Variants in TSNAXIP1 observed in about 807,000 individuals in gnomAD.
The protein encoded by TSNAXIP1 is translin-associated factor X-interacting protein 1.
TSNAXIP1 carries 89 observed loss-of-function variants against 84.8 expected under a neutral mutation model. That is an observed-to-expected ratio of 1.05 (90% CI 0.88 to 1.25). TSNAXIP1 has a LOEUF of 1.25. Among genes scored for constraint, TSNAXIP1 ranks in the 50% most tolerant of loss-of-function variants. TSNAXIP1 has a pLI of 0.00. For synonymous variants in TSNAXIP1, 347 were observed against 335.2 expected, an observed-to-expected ratio of 1.04 and a Z score of -0.39; for missense variants, 874 against 887.6, an observed-to-expected ratio of 0.98 and a Z score of 0.20.
At chr16:67,820,680 G>T (rs889703475) in intron 2 of TSNAXIP1, among the ~76,000 whole-genome samples, 159 bp from the exon 3 acceptor site, 1 of 152,022 alleles carries the variant, frequency 6.6e-6, no homozygotes, top group South Asian at 2.1e-4. Context: ...GGAGGCGAAG[G>T]TTGCAGTGAG....
intron 10 of TSNAXIP1, 46 bp from the exon 11 acceptor site, chr16:67,826,390 TG>T (rs751604606): frequency 1.9e-6 from 3 of 1,609,318 alleles, no homozygotes; most frequent in Non-Finnish European, 1.7e-6. Context: ...TGATTGGGGG[TG>T]GGGCCACAGA....
chr16:67,825,189 A>T lies in TSNAXIP1; in HGVS notation c.731A>T (p.Glu244Val). The T allele has an allele frequency of 6.2e-7, 1 of 1,614,184 alleles. No individual in the cohort carries two copies. The highest frequency in any genetic ancestry group is 8.5e-7 in the Non-Finnish European group (1 of 1,180,030). The change falls in exon 7 of 16, where the codon GAG becomes GTG. Residue 244 changes from glutamate to valine, a missense_variant. Glu to Val is a moderately radical substitution (Grantham distance 121, BLOSUM62 -2). Transcript: ENST00000561639. ...LAEEYLHYLS[E>V]RDACKILIAD... ...GAGGAGTACCTGCACTACCTCAGTG[A>T]GCGAGATGCCTGTAAGATCCTCATC...
At chr16:67,818,342 C>A (rs2056762780) in intron 2 of TSNAXIP1, among the ~76,000 whole-genome samples, 1 of 152,104 alleles carries the variant, frequency 6.6e-6, no homozygotes, top group Non-Finnish European at 1.5e-5. Flanking sequence ...AGGGAGATTT[C>A]ATCTCTACAA....
chr16:67,820,982 G>A (rs748978263), intron 3 of TSNAXIP1, 31 bp downstream of exon 3: 5 of 1,585,904 alleles, frequency 3.2e-6, no homozygotes, highest in Non-Finnish European at 4.3e-6. Flanking sequence ...TGGTGGGTGA[G>A]CTGGCATGGG....
At position 67,810,982 on chromosome 16, in the gene TSNAXIP1, GT is replaced by G. The variant is rs953539731; in HGVS notation, c.48-3308del. Among the ~76,000 whole-genome samples the G allele has an allele frequency of 3.4e-4, 44 of 130,134 alleles. 1 individual carries two copies. The South Asian group carries it at 5.0e-3, about 15-fold the overall frequency. The allele number at this position is 130,134 out of a possible 152,430, so 85.4% of individuals were successfully genotyped here. Reference sequence around the variant, plus strand: ...TCGATCTCCTGACCTCATGTCTTTTGTTTTTTTTTTTTCCTTTTTCTGGAGA... The same window carrying G: ...TCGATCTCCTGACCTCATGTCTTTTGTTTTTTTTTTTCCTTTTTCTGGAGA... On this transcript the variant is annotated intron_variant, in intron 1 of 15. Coordinates refer to ENST00000561639, the MANE Select transcript of TSNAXIP1 (RefSeq NM_001288990.3).
intron 2 of TSNAXIP1, among the ~76,000 whole-genome samples, chr16:67,814,720 CCCTCCCG>C (rs375215022): frequency 4.8e-4 from 73 of 152,318 alleles, no homozygotes; most frequent in African/African-American, 1.6e-3. Flanking sequence ...TACCTCTCAT[CCCTCCCG>C]CCAACACACC....
At position 67,827,000 on chromosome 16, in the gene TSNAXIP1, T is replaced by C. The variant is rs747964918; in HGVS notation, c.1592T>C (p.Val531Ala). Residue 531 changes from valine to alanine, a missense_variant, in exon 13 of 16, where the codon GTA becomes GCA. Coordinates refer to ENST00000561639, the MANE Select transcript of TSNAXIP1 (RefSeq NM_001288990.3). Reference protein sequence around the residue: ...ENVYVTQKETVAQLLKEMTNA... With the variant: ...ENVYVTQKETAAQLLKEMTNA... ...GTGTATGTCACCCAGAAGGAGACAG[T>C]AGCCCAGCTGCTGAAGGAGATGACA... 4.3e-6 allele frequency: 7 copies of C among 1,614,090 alleles called. No homozygotes were observed. The highest frequency in any genetic ancestry group is 1.3e-5 in the African/African-American group (1 of 74,934).
In TSNAXIP1 at chr16:67,827,766, ACT is replaced by A. The variant is rs747121236; in HGVS notation, c.1915_1916del (p.Leu639AlafsTer31). On this transcript the variant is annotated frameshift_variant, in exon 16 of 16. Coordinates refer to ENST00000561639, the MANE Select transcript of TSNAXIP1 (RefSeq NM_001288990.3). LOFTEE classifies it low-confidence loss of function (END_TRUNC). ...ELGIELHEEV[T>X]LPKLRGGLMT... ...CCTGTGGGGCAGCCATGAGGAAGTG[ACT>A]CTGCCCAAGCTGCGAGGGGGCCTGA... is the stretch of plus-strand genomic sequence containing the variant. 11 of 1,613,726 alleles carry A rather than the reference ACT, an allele frequency of 6.8e-6. No individual in the cohort carries two copies. Among genetic ancestry groups the A allele is most frequent in the Non-Finnish European group, 9.3e-6 (11 of 1,179,950 alleles).
In TSNAXIP1 at chr16:67,807,012, AG is replaced by A. The variant is rs2055494428; in HGVS notation, c.-136del. The A allele has an allele frequency of 5.1e-6, 7 of 1,362,226 alleles. No individual in the cohort carries two copies. Among genetic ancestry groups the A allele is most frequent in the Non-Finnish European group, 6.8e-6 (7 of 1,030,182 alleles). 84.4% of individuals were successfully genotyped at this position (1,362,226 alleles called of 1,614,324 possible). A position where few individuals can be genotyped will look rare whatever the true frequency, so the allele number is the denominator to read the frequency against. On this transcript the variant is annotated 5_prime_UTR_variant, in exon 1 of 16. Coordinates refer to ENST00000561639, the MANE Select transcript of TSNAXIP1 (RefSeq NM_001288990.3). ...GTCCTACTCCCAGCCCGCGGGCGCTAGGCTCGGGGGCGTGGCGCATCCCTGA... is the reference window on the plus strand; with the variant it reads ...GTCCTACTCCCAGCCCGCGGGCGCTAGCTCGGGGGCGTGGCGCATCCCTGA...
At chr16:67,825,411 C>G (rs1200036011) in intron 7 of TSNAXIP1, 139 bp downstream of exon 7, 11 of 1,259,938 alleles carry the variant, frequency 8.7e-6, no homozygotes, top group Non-Finnish European at 9.9e-6. Flanking sequence ...GTCCCTGCCT[C>G]CCGCAGGGCT....
At chr16:67,813,881 C>T (rs746318583) in intron 1 of TSNAXIP1, among the ~76,000 whole-genome samples, 8 of 152,026 alleles carry the variant, frequency 5.3e-5, no homozygotes, top group Non-Finnish European at 1.0e-4. Flanking sequence ...AAGTGCAGGA[C>T]TCAGACTCAC....
chr16:67,827,256 C>A lies in TSNAXIP1; in HGVS notation c.1672C>A (p.Leu558Ile). The A allele has an allele frequency of 5.6e-6, 9 of 1,614,182 alleles. No individual in the cohort carries two copies. The highest frequency in any genetic ancestry group is 7.6e-6 in the Non-Finnish European group (9 of 1,180,032). ...CTCATGTCTCCCCTACAGCACTGTC[C>A]TCAAGAGTACCTTCCCTCTCAAGAC... is the stretch of plus-strand genomic sequence containing the variant. ...LLTMEQFNTVLKSTFPLKTEE... is the reference protein window; with the variant it reads ...LLTMEQFNTVIKSTFPLKTEE... Residue 558 changes from leucine to isoleucine, a missense_variant, in exon 14 of 16, where the codon CTC (leucine) becomes ATC (isoleucine). By Grantham distance (5) the Leu-to-Ile change is conservative. Transcript: ENST00000561639.
chr16:67,814,920 T>G (rs905881000), intron 2 of TSNAXIP1, among the ~76,000 whole-genome samples: 2 of 152,180 alleles, frequency 1.3e-5, no homozygotes, highest in African/African-American at 4.8e-5. Flanking sequence ...GATGCGTCTC[T>G]ACCATGTTCA....
At chr16:67,822,278 CAAAAA>C (rs931299742) in intron 4 of TSNAXIP1, among the ~76,000 whole-genome samples, 1 of 51,938 alleles carries the variant, frequency 1.9e-5, no homozygotes, top group Admixed American at 2.3e-4. Flanking sequence ...GACTCCATCT[CAAAAA>C]AAAAAAAAAA....
Position 67,807,114 on chromosome 16 carries a change from G to C in TSNAXIP1, c.-36G>C. The C allele has an allele frequency of 6.5e-7, 1 of 1,533,104 alleles. No homozygotes were observed. Among genetic ancestry groups the C allele is most frequent in the Non-Finnish European group, 8.7e-7 (1 of 1,145,840 alleles). 95.0% of individuals were successfully genotyped at this position (1,533,104 alleles called of 1,614,324 possible). On this transcript the variant is annotated 5_prime_UTR_variant, in exon 1 of 16. Transcript: ENST00000561639. ...GGCTGTACGCTACCACAGCTTCCCA[G>C]GCCGCGGGTGCTGATTGCCCGCCTG... is the stretch of plus-strand genomic sequence containing the variant.
At chr16:67,807,715 T>C (rs1279631807) in intron 1 of TSNAXIP1, 1 of 223,574 alleles carries the variant, frequency 4.5e-6, no homozygotes, top group Non-Finnish European at 9.2e-6. Flanking sequence ...ACTCCTAGAC[T>C]CAAGCGACCC....
At chr16:67,823,165 G>A (rs889743692) in intron 4 of TSNAXIP1, among the ~76,000 whole-genome samples, 6 of 152,194 alleles carry the variant, frequency 3.9e-5, no homozygotes, top group African/African-American at 1.4e-4. Flanking sequence ...CCGTGGCACT[G>A]TGAGGTACCC....
intron 1 of TSNAXIP1, among the ~76,000 whole-genome samples, chr16:67,808,348 G>T (rs1288117007): frequency 6.6e-6 from 1 of 152,114 alleles, no homozygotes; most frequent in East Asian, 1.9e-4. Flanking sequence ...AGGCCGAGGC[G>T]GGGGGATCAC....
rs2057353191 is a variant in TSNAXIP1, at chr16:67,825,283, A to G, written c.814+11A>G. 6.2e-7 allele frequency: 1 copy of G among 1,613,630 alleles called. No homozygotes were observed. The highest frequency in any genetic ancestry group is 1.3e-5 in the African/African-American group (1 of 74,920). ...TAGCCCAGTCGCCAGGTAAGCCTGA[A>G]TTGGGAATCGGGTTTCTCTCTTCTC... On this transcript the variant is annotated intron_variant, in intron 7 of 15. Transcript: ENST00000561639.
Sources: allele counts gnomAD v4.1 joint callset (sites outside exome capture counted in the v4.1 genomes callset), GRCh38; gene constraint gnomAD v4.1.1; transcripts MANE v1.5; gene names NCBI Gene and HGNC (gene_info 2026-07-23, HGNC 2026-07-21).